MACROD2: variants seen among roughly 807,000 people sequenced by gnomAD.
MACROD2 encodes mono-ADP ribosylhydrolase 2, also known as ADP-ribose glycohydrolase MACROD2.
MACROD2 carries 36 observed loss-of-function variants against 70.4 expected under a neutral mutation model. The ratio of observed to expected loss-of-function variants is 0.51; its 90% CI spans 0.39 to 0.68. MACROD2 has a LOEUF of 0.68. Ranked by LOEUF, MACROD2 falls within the 30% of genes least tolerant of loss-of-function variation. MACROD2 has a pLI of 0.00. For missense variants in MACROD2, 496 were observed against 538.4 expected (o/e 0.92, Z 0.78); for synonymous variants, 172 against 178.8 (o/e 0.96, Z 0.30).
At position 14,376,027 on chromosome 20, in the gene MACROD2, C is replaced by G. The variant is rs557907093; in HGVS notation, c.272-117452C>G. Among the ~76,000 whole-genome samples the G allele has an allele frequency of 5.9e-5, 9 of 152,222 alleles. No individual in the cohort carries two copies. The South Asian group carries it at 1.9e-3, about 32-fold the overall frequency. On this transcript the variant is annotated intron_variant, in intron 3 of 17. Transcript: ENST00000684519. ...AAAATTTTGTAATCAAATAAAATAT[C>G]AGGTTGAGTTCTGACTTTCAGAATC...
intron 5 of MACROD2, among the ~76,000 whole-genome samples, chr20:15,171,393 C>T (rs1370411533): frequency 1.3e-5 from 2 of 150,046 alleles, no homozygotes; most frequent in Non-Finnish European, 3.0e-5. Context: ...CTCCTTGTGT[C>T]TCTCTTTCTC....
intron 5 of MACROD2, among the ~76,000 whole-genome samples, chr20:15,220,288 G>A (rs1467805419): frequency 6.6e-6 from 1 of 152,094 alleles, no homozygotes; most frequent in Non-Finnish European, 1.5e-5. Context: ...GATTATATCG[G>A]GCCAACTTTT....
intron 2 of MACROD2, among the ~76,000 whole-genome samples, chr20:14,085,360 A>T (rs899282445): frequency 6.6e-6 from 1 of 152,122 alleles, no homozygotes; most frequent in African/African-American, 2.4e-5. Context: ...AAAATTACCC[A>T]TAAGTATTGA....
intron 8 of MACROD2, among the ~76,000 whole-genome samples, chr20:15,554,958 G>A (rs1033036835): frequency 3.9e-5 from 6 of 152,200 alleles, no homozygotes; most frequent in Non-Finnish European, 5.9e-5. Flanking sequence ...ATCTTTAAGG[G>A]AGAGAAACCC....
intron 10 of MACROD2, among the ~76,000 whole-genome samples, chr20:15,931,949 A>C (rs6080027): frequency 0.63 from 95,065 of 151,908 alleles, 32,443 homozygotes; most frequent in Non-Finnish European, 0.77. Context: ...TCTTGGGAGG[A>C]TTCTCTTGCC....
At chr20:16,018,377 A>G (rs2066958054) in intron 15 of MACROD2, among the ~76,000 whole-genome samples, 1 of 151,992 alleles carries the variant, frequency 6.6e-6, no homozygotes, top group Non-Finnish European at 1.5e-5. Flanking sequence ...GGTTCCTGTG[A>G]GTAAGTCATC....
In MACROD2 at chr20:14,797,247, G is replaced by A. The variant is rs550712904; in HGVS notation, c.418+112288G>A. On this transcript the variant is annotated intron_variant, in intron 5 of 17. Transcript: ENST00000684519. ...TTTCTTTCAACCCATTTCCTAGACC[G>A]CAGTCAGAATGCCGTTTTCAAAATC... is the stretch of plus-strand genomic sequence containing the variant. 2.4e-4 allele frequency among the ~76,000 whole-genome samples: 37 copies of A among 152,054 alleles called. No homozygotes were observed. The South Asian group carries it at 7.7e-3, about 32-fold the overall frequency.
At chr20:14,226,731 A>G (rs2081739326) in intron 3 of MACROD2, among the ~76,000 whole-genome samples, 1 of 152,224 alleles carries the variant, frequency 6.6e-6, no homozygotes, top group Non-Finnish European at 1.5e-5. Context: ...GCCGGGCCTT[A>G]GCTGCCTTCC....
chr20:14,030,303 G>A (rs2053230478), intron 2 of MACROD2, among the ~76,000 whole-genome samples: 1 of 152,134 alleles, frequency 6.6e-6, no homozygotes, highest in Non-Finnish European at 1.5e-5. Flanking sequence ...CTCCCAGTGT[G>A]CTGGGGTTAT....
At chr20:14,729,485 C>G (rs967672527) in intron 5 of MACROD2, among the ~76,000 whole-genome samples, 1 of 152,056 alleles carries the variant, frequency 6.6e-6, no homozygotes, top group Admixed American at 6.6e-5. Flanking sequence ...TCTGAATACA[C>G]AAGGGAACAT....
intron 5 of MACROD2, among the ~76,000 whole-genome samples, chr20:15,010,785 A>G (rs2075076792): frequency 6.6e-6 from 1 of 152,210 alleles, no homozygotes; most frequent in African/African-American, 2.4e-5. Flanking sequence ...TTGTTTTGAA[A>G]TGAGCGTCAG....
At chr20:14,375,482 T>C (rs2083362975) in intron 3 of MACROD2, among the ~76,000 whole-genome samples, 1 of 152,216 alleles carries the variant, frequency 6.6e-6, no homozygotes. Flanking sequence ...GAGCATTTGC[T>C]CTTGATCACA....
At chr20:14,436,698 C>T (rs75182631) in intron 3 of MACROD2, among the ~76,000 whole-genome samples, 1,799 of 152,302 alleles carry the variant, frequency 0.012, 32 homozygotes, top group African/African-American at 0.041. Context: ...GTACAAGGAG[C>T]AGGATTCCTT....
chr20:16,002,300 T>C (rs1199466028), intron 15 of MACROD2, among the ~76,000 whole-genome samples: 1 of 152,142 alleles, frequency 6.6e-6, no homozygotes. Context: ...GACAGAACAA[T>C]GGTCCCCCAA....
chr20:14,230,547 A>G (rs540681282), intron 3 of MACROD2, among the ~76,000 whole-genome samples: 2 of 149,516 alleles, frequency 1.3e-5, no homozygotes, highest in Non-Finnish European at 3.0e-5. Context: ...CCACATCTGC[A>G]GTGATTTCCT....
At chr20:14,713,873 G>A (rs933062812) in intron 5 of MACROD2, among the ~76,000 whole-genome samples, 1 of 152,194 alleles carries the variant, frequency 6.6e-6, no homozygotes, top group African/African-American at 2.4e-5. Flanking sequence ...TTGGACTTCA[G>A]TGGCCTGATA....
chr20:14,269,436 C>CA (rs2082171966), intron 3 of MACROD2, among the ~76,000 whole-genome samples: 1 of 152,044 alleles, frequency 6.6e-6, no homozygotes, highest in Non-Finnish European at 1.5e-5. Context: ...TGGGGTCTGA[C>CA]AAAAATAAAT....
chr20:14,965,255 T>C (rs944368242), intron 5 of MACROD2, among the ~76,000 whole-genome samples: 1 of 152,114 alleles, frequency 6.6e-6, no homozygotes, highest in Non-Finnish European at 1.5e-5. Flanking sequence ...AACAGTAACA[T>C]CAATATTTGA....
chr20:15,587,503 G>A (rs1420810177), intron 8 of MACROD2, among the ~76,000 whole-genome samples: 3 of 152,086 alleles, frequency 2.0e-5, no homozygotes, highest in Non-Finnish European at 4.4e-5. Flanking sequence ...TAACCCAAAA[G>A]TCCACAGTCC....
Sources: allele counts gnomAD v4.1 joint callset (sites outside exome capture counted in the v4.1 genomes callset), GRCh38; gene constraint gnomAD v4.1.1; transcripts MANE v1.5; gene names NCBI Gene and HGNC (gene_info 2026-07-23, HGNC 2026-07-21).